Variants in PLIN3 observed in about 807,000 individuals in gnomAD.
PLIN3 encodes perilipin-3.
Under a neutral mutation model 35.9 loss-of-function variants are expected in PLIN3, and 30 were observed. That is an observed-to-expected ratio of 0.84 (90% CI 0.62 to 1.13). The LOEUF (loss-of-function observed/expected upper bound fraction) is 1.13, where lower values mean the gene tolerates loss of function less well. Among genes scored for constraint, PLIN3 ranks in the 50% most tolerant of loss-of-function variants. PLIN3 has a pLI of 0.00. For synonymous variants in PLIN3, 261 were observed against 262.5 expected (o/e 0.99, Z 0.06); for missense variants, 603 against 596.9 (o/e 1.01, Z -0.11).
At chr19:4,860,654 G>A (rs562208260) in intron 2 of PLIN3, among the ~76,000 whole-genome samples, 5 of 152,228 alleles carry the variant, frequency 3.3e-5, no homozygotes, top group Non-Finnish European at 5.9e-5. Flanking sequence ...CACAGCCAGC[G>A]CACCACTTGA....
chr19:4,844,786 G>A lies in PLIN3; in HGVS notation c.842C>T (p.Thr281Ile). ...CTTCTGATCAACGCCTTGCTTGACA[G>A]TTTCCATCTGGGGCAGGGGAGAGAG... ...QLSQVLSLME[T>I]VKQGVDQKLV... Residue 281 changes from threonine to isoleucine, a missense_variant, in exon 7 of 8, where the codon ACT (threonine) becomes ATT (isoleucine). Thr to Ile is a moderately conservative substitution (Grantham distance 89). Coordinates refer to ENST00000221957, the MANE Select transcript of PLIN3 (RefSeq NM_005817.5). The A allele has an allele frequency of 6.3e-7, 1 of 1,597,618 alleles. No individual in the cohort carries two copies. The highest frequency in any genetic ancestry group is 1.8e-5 in the Admixed American group (1 of 56,978).
chr19:4,861,371 A>G lies in PLIN3; in HGVS notation c.24T>C (p.Ala8=), dbSNP rs749691052. The change falls in exon 2 of 8, where the codon GCT becomes GCC. Residue 8 remains alanine, a synonymous_variant. Coordinates refer to ENST00000221957, the MANE Select transcript of PLIN3 (RefSeq NM_005817.5). MSADGAE[A]DGSTQVTVEE... ...CCACTGTCACCTGGGTGCTGCCATC[A>G]GCCTCTGCCCCGTCGGCAGACATGG... 7 of 1,613,542 alleles carry G rather than the reference A, an allele frequency of 4.3e-6. No homozygotes were observed. Among genetic ancestry groups the G allele is most frequent in the Non-Finnish European group, 5.1e-6 (6 of 1,179,984 alleles).
intron 1 of PLIN3, among the ~76,000 whole-genome samples, chr19:4,861,890 C>T (rs2030689021): frequency 6.6e-6 from 1 of 151,746 alleles, no homozygotes; most frequent in Admixed American, 6.6e-5. Context: ...ACCTTGGCCT[C>T]CCAAAGTGCT....
chr19:4,859,772 C>G (rs984967457), intron 3 of PLIN3, 54 bp downstream of exon 3: 2 of 1,601,886 alleles, frequency 1.2e-6, no homozygotes, highest in South Asian at 2.2e-5. Flanking sequence ...CCCTACTCCC[C>G]ACCCAGGGAA....
chr19:4,855,917 C>T (rs2030458473), intron 4 of PLIN3, among the ~76,000 whole-genome samples: 1 of 95,752 alleles, frequency 1.0e-5, no homozygotes, highest in South Asian at 3.2e-4. Context: ...AGAGCAAGAC[C>T]TTGTCTCAAA....
In PLIN3 at chr19:4,859,585, G is replaced by A. The variant is rs747575923; in HGVS notation, c.348+5C>T. The A allele has an allele frequency of 1.1e-5, 18 of 1,613,426 alleles. No individual in the cohort carries two copies. The highest frequency in any genetic ancestry group is 1.6e-4 in the Middle Eastern group (1 of 6,074). On this transcript the variant is annotated splice_donor_5th_base_variant and intron_variant, in intron 4 of 7. Coordinates refer to ENST00000221957, the MANE Select transcript of PLIN3 (RefSeq NM_005817.5). ...GACAGAGCCCCTGAGGACGGACATC[G>A]TTACCTTCTCCGTGGGCTGCTGCAG...
At chr19:4,867,417 A>C (rs1467604215) in intron 1 of PLIN3, among the ~76,000 whole-genome samples, 192 bp downstream of exon 1, 1 of 151,994 alleles carries the variant, frequency 6.6e-6, no homozygotes, top group Non-Finnish European at 1.5e-5. Context: ...TCAAAGTCTG[A>C]GCTTCGTTGC....
chr19:4,850,319 C>G (rs1323882522), intron 5 of PLIN3, among the ~76,000 whole-genome samples: 1 of 151,318 alleles, frequency 6.6e-6, no homozygotes, highest in Non-Finnish European at 1.5e-5. Flanking sequence ...CTCTGTCGCC[C>G]AGGCTGGAGT....
intron 1 of PLIN3, among the ~76,000 whole-genome samples, chr19:4,863,497 C>CAAAAA (rs57974543): frequency 8.3e-6 from 1 of 119,996 alleles, no homozygotes; most frequent in African/African-American, 3.2e-5. Flanking sequence ...AACTCTGTCT[C>CAAAAA]AAAAAAAAAA....
Position 4,847,791 on chromosome 19 carries a change from C to T in PLIN3, c.734G>A (p.Arg245Lys). ...GTGCTCATAGGCGTGCTGCCGCAGC[C>T]TCTCCGACAGGGAGCCCAGACGTAC... ...YFVRLGSLSERLRQHAYEHSL... is the reference protein window; with the variant it reads ...YFVRLGSLSEKLRQHAYEHSL... The change falls in exon 6 of 8, where the codon AGG (arginine) becomes AAG (lysine). Residue 245 changes from arginine (R) to lysine (K), a missense_variant. Arg to Lys is a conservative substitution (Grantham distance 26). Coordinates refer to ENST00000221957, the MANE Select transcript of PLIN3 (RefSeq NM_005817.5). 1 of 1,613,790 alleles carries T rather than the reference C, an allele frequency of 6.2e-7. No individual in the cohort carries two copies. The highest frequency in any genetic ancestry group is 8.5e-7 in the Non-Finnish European group (1 of 1,179,934).
chr19:4,854,021 C>A (rs1441828837), intron 4 of PLIN3, among the ~76,000 whole-genome samples: 1 of 151,534 alleles, frequency 6.6e-6, no homozygotes, highest in Non-Finnish European at 1.5e-5. Flanking sequence ...AAGCCTTGAC[C>A]TCTTCGGCTC....
At chr19:4,839,961 G>A (rs2029873044) in intron 7 of PLIN3, among the ~76,000 whole-genome samples, 1 of 147,990 alleles carries the variant, frequency 6.8e-6, no homozygotes, top group Non-Finnish European at 1.5e-5. Flanking sequence ...CACCGTGCCC[G>A]GCCCTTTTTT....
intron 7 of PLIN3, among the ~76,000 whole-genome samples, chr19:4,841,324 C>T (rs1398260554): frequency 6.6e-6 from 1 of 152,062 alleles, no homozygotes. Context: ...ATGGGTGAGC[C>T]CTAAGGACGT....
rs1266879390 is a variant in PLIN3 at position 4,861,956 on chromosome 19, AAAG to A, written c.-17-548_-17-546del. Among the ~76,000 whole-genome samples, 15 of 148,574 alleles carry A rather than the reference AAAG, an allele frequency of 1.0e-4. No homozygotes were observed. In the South Asian group the frequency reaches 1.5e-3, roughly 15 times the overall value. On this transcript the variant is annotated intron_variant, in intron 1 of 7. Transcript: ENST00000221957. Reference sequence around the variant, plus strand: ...TCCTTTCTTTTTTTTTTTTCTCATTAAAGACAGGGTCTTGCTCTGTCACCCAGG... The same window carrying A: ...TCCTTTCTTTTTTTTTTTTCTCATTAACAGGGTCTTGCTCTGTCACCCAGG...
In PLIN3 at chr19:4,839,358, T is replaced by G; in HGVS notation, c.1139A>C (p.Gln380Pro). 1 of 1,613,786 alleles carries G rather than the reference T, an allele frequency of 6.2e-7. No individual in the cohort carries two copies. Among genetic ancestry groups the G allele is most frequent in the Non-Finnish European group, 8.5e-7 (1 of 1,179,742 alleles). Residue 380 changes from glutamine (Q) to proline (P), a missense_variant, in exon 8 of 8, where the codon CAG (glutamine) becomes CCG (proline). Transcript: ENST00000221957. ...GGCCAGAATGCTGCTGGACAGGTCC[T>G]GGAAGGAGTGGATGCTGGAAAACGT... ...QATFSSIHSFQDLSSSILAQS... is the reference protein window; with the variant it reads ...QATFSSIHSFPDLSSSILAQS...
intron 4 of PLIN3, among the ~76,000 whole-genome samples, chr19:4,859,195 T>C (rs1054202294): frequency 3.9e-5 from 6 of 152,124 alleles, no homozygotes; most frequent in Admixed American, 1.3e-4. Context: ...TGTAAATAAA[T>C]GGGCATGGCT....
chr19:4,859,447 T>G, intron 4 of PLIN3, 143 bp downstream of exon 4: 1 of 706,984 alleles, frequency 1.4e-6, no homozygotes, highest in Non-Finnish European at 2.5e-6. Flanking sequence ...CTGTGGGGAG[T>G]GGATTCGGGG....
chr19:4,847,134 C>T (rs959876161), intron 6 of PLIN3, among the ~76,000 whole-genome samples: 3 of 151,720 alleles, frequency 2.0e-5, no homozygotes, highest in East Asian at 1.9e-4. Context: ...GTGATCCACC[C>T]GCCTCAGCCT....
intron 4 of PLIN3, among the ~76,000 whole-genome samples, chr19:4,858,701 G>GTTTTTTTTTTTT (rs1238404775): frequency 1.3e-5 from 1 of 78,184 alleles, no homozygotes. Flanking sequence ...TGTTTTTTTG[G>GTTTTTTTTTTTT]TTTTTTTTTT....
Sources: gnomAD v4.1 joint callset for allele counts (sites outside exome capture counted in the v4.1 genomes callset) on GRCh38, gnomAD v4.1.1 for gene constraint, MANE v1.5 for transcripts, NCBI Gene and HGNC (gene_info 2026-07-23, HGNC 2026-07-21) for gene names.